Variants in TDRD1 observed in about 807,000 individuals in gnomAD.
The protein encoded by TDRD1 is tudor domain-containing protein 1.
Under a neutral mutation model 140.6 loss-of-function variants are expected in TDRD1, and 37 were observed. That is an observed-to-expected ratio of 0.26 (90% CI 0.20 to 0.35). The LOEUF is 0.35. Among genes scored for constraint, TDRD1 ranks in the 10% least tolerant of loss-of-function variants. The pLI is 1.00. For missense variants in TDRD1, 1,243 were observed against 1,393.0 expected, an observed-to-expected ratio of 0.89 and a Z score of 1.71; for synonymous variants, 506 against 475.7, an observed-to-expected ratio of 1.06 and a Z score of -0.83.
chr10:114,188,156 G>A, exon 2 of TDRD1: 1 of 1,567,236 alleles, frequency 6.4e-7, no homozygotes, highest in Admixed American at 2.0e-5. Context: ...ATTGCCAGCA[G>A]GTGAGTGAAA....
chr10:114,222,771 G>A (rs1287135559), intron 21 of TDRD1, 68 bp downstream of exon 21: 17 of 863,152 alleles, frequency 2.0e-5, no homozygotes, highest in Non-Finnish European at 3.0e-5. Flanking sequence ...ATGATACTAT[G>A]TAGATTTTGG....
chr10:114,210,895 T>G, exon 13 of TDRD1: 1 of 1,614,178 alleles, frequency 6.2e-7, no homozygotes, highest in Non-Finnish European at 8.5e-7. Flanking sequence ...CCTTAGCAAG[T>G]ACTGTGATCA....
chr10:114,214,751 T>TC (rs914105887), intron 16 of TDRD1, among the ~76,000 whole-genome samples: 29 of 151,474 alleles, frequency 1.9e-4, no homozygotes, highest in Admixed American at 6.6e-4. Flanking sequence ...TTTTTTTTTT[T>TC]CATTGAGATG....
rs73355772 is a variant in TDRD1 at position 114,182,123 on chromosome 10, C to T, written c.-7+2707C>T. Among the ~76,000 whole-genome samples the T allele has an allele frequency of 4.6e-3, 700 of 152,308 alleles. 5 individuals are homozygous for T. The highest frequency in any genetic ancestry group is 0.016 in the African/African-American group (662 of 41,558). ...AGGGACATCCTGACTTTCCTGTTGACGGGCTGCCAACCCGTGTCTGGAATC... is the reference window on the plus strand; with the variant it reads ...AGGGACATCCTGACTTTCCTGTTGATGGGCTGCCAACCCGTGTCTGGAATC... On this transcript the variant is annotated intron_variant, in intron 1 of 25. Transcript: ENST00000251864.
At chr10:114,188,217 A>G in intron 2 of TDRD1, 61 bp downstream of exon 2, 1 of 1,446,112 alleles carries the variant, frequency 6.9e-7, no homozygotes, top group Non-Finnish European at 9.3e-7. Flanking sequence ...ACTTACCAGA[A>G]GTATATATAA....
chr10:114,185,381 G>T (rs1013741889), intron 1 of TDRD1, among the ~76,000 whole-genome samples: 5 of 151,964 alleles, frequency 3.3e-5, no homozygotes, highest in African/African-American at 1.2e-4. Context: ...ATAGAGACAG[G>T]GTTTCACCAT....
intron 3 of TDRD1, among the ~76,000 whole-genome samples, chr10:114,198,393 C>T (rs188277682): frequency 2.3e-4 from 35 of 152,280 alleles, no homozygotes; most frequent in Admixed American, 2.0e-3. Context: ...ATCTCATCCT[C>T]CTCCCACTTC....
chr10:114,228,021 TTC>T lies in TDRD1; in HGVS notation c.3451-15_3451-14del. On this transcript the variant is annotated splice_polypyrimidine_tract_variant and intron_variant, in intron 24 of 25. Transcript: ENST00000251864. ...GTTTTTAGAAATTAAATCATATGGT[TTC>T]TTTTTCACCCACAGGTTGAAAAACA... 1 of 1,610,420 alleles carries T rather than the reference TTC, an allele frequency of 6.2e-7. No homozygotes were observed. Among genetic ancestry groups the T allele is most frequent in the Non-Finnish European group, 8.5e-7 (1 of 1,178,462 alleles).
exon 1 of TDRD1, chr10:114,179,290 C>G (rs1241955048): frequency 1.3e-5 from 2 of 152,520 alleles, no homozygotes; most frequent in African/African-American, 4.8e-5. Flanking sequence ...GGAGGGCGCA[C>G]TGGGGATTGG....
At chr10:114,213,272 T>A (rs1485291091) in intron 14 of TDRD1, 74 bp from the exon 15 acceptor site, 6 of 1,426,374 alleles carry the variant, frequency 4.2e-6, no homozygotes, top group Non-Finnish European at 5.7e-6. Flanking sequence ...TAAGTTTACC[T>A]TGGGGGAAAT....
At chr10:114,227,869 A>G (rs898037510) in intron 23 of TDRD1, 41 bp from the exon 24 acceptor site, 16 of 1,552,900 alleles carry the variant, frequency 1.0e-5, no homozygotes, top group Non-Finnish European at 1.4e-5. Flanking sequence ...TCTTCTTTAC[A>G]TTATGTGTTA....
intron 12 of TDRD1, 38 bp downstream of exon 12, chr10:114,210,786 A>C (rs1329195080): frequency 1.1e-5 from 18 of 1,610,914 alleles, no homozygotes; most frequent in Admixed American, 1.7e-5. Flanking sequence ...TGAAGCTAAA[A>C]TACTTCAAGA....
chr10:114,214,126 C>A lies in TDRD1; in HGVS notation c.2212+12C>A. 6.2e-7 allele frequency: 1 copy of A among 1,610,584 alleles called. No individual in the cohort carries two copies. The highest frequency in any genetic ancestry group is 8.5e-7 in the Non-Finnish European group (1 of 1,177,514). On this transcript the variant is annotated intron_variant, in intron 16 of 25. Coordinates refer to ENST00000251864, the Ensembl canonical transcript of TDRD1. Reference sequence around the variant, plus strand: ...GCTTAAAGAGGATGGTAAGTTGATTCTTGTCATTTGTTTCTTTTTACAAAT... The same window carrying A: ...GCTTAAAGAGGATGGTAAGTTGATTATTGTCATTTGTTTCTTTTTACAAAT...
At chr10:114,231,312 C>T (rs1340530707) in intron 25 of TDRD1, among the ~76,000 whole-genome samples, 1 of 152,152 alleles carries the variant, frequency 6.6e-6, no homozygotes, top group African/African-American at 2.4e-5. Context: ...CTGTACTTAG[C>T]ATATATTATG....
chr10:114,187,260 A>T (rs1441292346), intron 1 of TDRD1, among the ~76,000 whole-genome samples: 1 of 152,218 alleles, frequency 6.6e-6, no homozygotes, highest in Non-Finnish European at 1.5e-5. Flanking sequence ...TGATCAAAGC[A>T]GAGGCCTTGG....
At chr10:114,189,117 G>A (rs1483801465) in intron 2 of TDRD1, among the ~76,000 whole-genome samples, 1 of 152,164 alleles carries the variant, frequency 6.6e-6, no homozygotes, top group Non-Finnish European at 1.5e-5. Flanking sequence ...AGGCAGGAGC[G>A]CCAACCTGAG....
intron 14 of TDRD1, among the ~76,000 whole-genome samples, chr10:114,213,043 T>C (rs1001536002): frequency 3.3e-5 from 5 of 152,230 alleles, no homozygotes; most frequent in African/African-American, 1.2e-4. Context: ...TTTTACATAT[T>C]ATAGAAGCTT....
intron 11 of TDRD1, 86 bp downstream of exon 11, chr10:114,206,416 T>C (rs1274410905): frequency 3.2e-6 from 3 of 932,432 alleles, no homozygotes; most frequent in Non-Finnish European, 5.0e-6. Flanking sequence ...ACTTTAGCAC[T>C]GTTAAGACTT....
chr10:114,205,745 G>A (rs1589686704), intron 10 of TDRD1, among the ~76,000 whole-genome samples: 1 of 152,140 alleles, frequency 6.6e-6, no homozygotes, highest in Non-Finnish European at 1.5e-5. Flanking sequence ...AGTAGGTGGG[G>A]ATGGTTAATG....
Sources: allele counts gnomAD v4.1 joint callset (sites outside exome capture counted in the v4.1 genomes callset), GRCh38; gene constraint gnomAD v4.1.1; transcripts MANE v1.5; gene names NCBI Gene and HGNC (gene_info 2026-07-23, HGNC 2026-07-21).